Variants in PPP2R3B observed in about 807,000 individuals in gnomAD.
The protein encoded by PPP2R3B is serine/threonine-protein phosphatase 2A regulatory subunit B'' subunit beta.
PPP2R3B carries 68 observed loss-of-function variants against 72.9 expected under a neutral mutation model. The observed-to-expected ratio is 0.93, with a 90% CI of 0.77 to 1.14. PPP2R3B has a LOEUF of 1.14. PPP2R3B is among the 50% of genes most tolerant of loss of function. The pLI is 0.00. For synonymous variants in PPP2R3B, 466 were observed against 375.8 expected (o/e 1.24, Z -2.78); for missense variants, 1,018 against 842.0 (o/e 1.21, Z -2.59).
At chrX:346,806 G>A (rs1167501335) in intron 4 of PPP2R3B, 31 bp from the exon 5 acceptor site, 3 of 1,587,752 alleles carry the variant, frequency 1.9e-6, no homozygotes, top group African/African-American at 1.4e-5. Context: ...GGCGCGTGGT[G>A]TAGACGCCGG....
rs112632193 is a variant in PPP2R3B at position 354,187 on chromosome X, C to G, written c.511-6494G>C. Among the ~76,000 whole-genome samples the G allele has an allele frequency of 3.1e-3, 382 of 123,788 alleles. 4 individuals carry two copies. Among genetic ancestry groups the G allele is most frequent in the Admixed American group, 8.3e-3 (100 of 12,092 alleles). 81.2% of individuals were successfully genotyped at this position (123,788 alleles called of 152,430 possible). ...CCCAGGGACTAGGGGCTCACCCAAA[C>G]ACCGGGGGCTCACCCAGGGACCGGG... On this transcript the variant is annotated intron_variant, in intron 2 of 12. Coordinates refer to ENST00000390665, the MANE Select transcript of PPP2R3B (RefSeq NM_013239.5).
At position 386,661 on chromosome X, in the gene PPP2R3B, G is replaced by C; in HGVS notation, c.31C>G (p.Leu11Val). 3 of 1,391,716 alleles carry C rather than the reference G, an allele frequency of 2.2e-6. No individual in the cohort carries two copies. The highest frequency in any genetic ancestry group is 2.8e-6 in the Non-Finnish European group (3 of 1,072,620). The allele number at this position is 1,391,716 out of a possible 1,614,324, so 86.2% of individuals were successfully genotyped here. A position where few individuals can be genotyped will look rare whatever the true frequency, so the allele number is the denominator to read the frequency against. Residue 11 changes from leucine to valine, a missense_variant, in exon 1 of 13, where the codon CTG becomes GTG. Physicochemically the swap from Leu to Val is conservative, Grantham distance 32 (BLOSUM62 1). Coordinates refer to ENST00000390665, the MANE Select transcript of PPP2R3B (RefSeq NM_013239.5). MPPGKVLQPV[L>V]KMKVDELFLY... ...AACAGCTCGTCCACCTTCATCTTCA[G>C]GACCGGCTGCAGCACTTTGCCGGGC...
intron 2 of PPP2R3B, chrX:359,751 T>A: frequency 2.2e-6 from 1 of 456,294 alleles, no homozygotes; most frequent in Non-Finnish European, 4.3e-6. Flanking sequence ...AGTATGTATG[T>A]TCATACTCAT....
intron 3 of PPP2R3B, 23 bp downstream of exon 3, chrX:347,567 C>T (rs758566911): frequency 6.4e-7 from 1 of 1,558,854 alleles, no homozygotes; most frequent in South Asian, 1.2e-5. Flanking sequence ...CCGACACAGC[C>T]CCCTGCCCAG....
Position 334,278 on chromosome X carries a change from C to G in PPP2R3B, c.*89G>C, listed in dbSNP as rs2070823569. On this transcript the variant is annotated 3_prime_UTR_variant, in exon 13 of 13. Coordinates refer to ENST00000390665, the MANE Select transcript of PPP2R3B (RefSeq NM_013239.5). The stretch of plus-strand genomic sequence containing the variant: ...GTTTATCATTCCGTACAAACGCACT[C>G]ATTTTCCACAACAGTTTTTACACGA... The G allele has an allele frequency of 1.5e-6, 2 of 1,339,636 alleles. No homozygotes were observed. The highest frequency in any genetic ancestry group is 2.8e-4 in the Middle Eastern group (1 of 3,598). The allele number at this position is 1,339,636 out of a possible 1,614,324, so 83.0% of individuals were successfully genotyped here.
intron 7 of PPP2R3B, chrX:345,092 C>T (rs893167796): frequency 6.5e-6 from 3 of 460,638 alleles, no homozygotes; most frequent in East Asian, 6.4e-5. Flanking sequence ...TATGAACGAC[C>T]GCTAAGCCTG....
At chrX:344,906 C>A in intron 7 of PPP2R3B, 4 of 345,328 alleles carry the variant, frequency 1.2e-5, no homozygotes, top group South Asian at 6.7e-5. Context: ...CGGAAACAGT[C>A]TTGGTCATAT....
In PPP2R3B at chrX:345,365, C is replaced by T. The variant is rs776191319; in HGVS notation, c.1036+151G>A. Reference sequence around the variant, plus strand: ...GCAGCGACTGGGGAAGGAGAGGCAGCTGCAGACACAGAGCGGCGAGTGCGA... The same window carrying T: ...GCAGCGACTGGGGAAGGAGAGGCAGTTGCAGACACAGAGCGGCGAGTGCGA... On this transcript the variant is annotated intron_variant, in intron 7 of 12. Coordinates refer to ENST00000390665, the MANE Select transcript of PPP2R3B (RefSeq NM_013239.5). 14 of 1,103,502 alleles carry T rather than the reference C, an allele frequency of 1.3e-5. No individual in the cohort carries two copies. The South Asian group carries it at 1.7e-4, about 14-fold the overall frequency. 68.4% of individuals were successfully genotyped at this position (1,103,502 alleles called of 1,614,324 possible). A position where few individuals can be genotyped will look rare whatever the true frequency, so the allele number is the denominator to read the frequency against.
At chrX:345,427 G>A (rs1440088536) in intron 7 of PPP2R3B, 89 bp downstream of exon 7, 12 of 1,549,626 alleles carry the variant, frequency 7.7e-6, no homozygotes, top group Middle Eastern at 1.9e-4. Flanking sequence ...TGGGAGTGCG[G>A]AAGGAGAGGC....
chrX:352,512 A>ACACCTTGCTCTGTGTGGATCATCTGCC (rs2071351936), intron 2 of PPP2R3B, among the ~76,000 whole-genome samples: 1 of 149,574 alleles, frequency 6.7e-6, no homozygotes, highest in Non-Finnish European at 1.5e-5. Flanking sequence ...TGGGACTCAC[A>ACACCTTGCTCTGTGTGGATCATCTGCC]CACCTTGCTC....
Position 386,752 on chromosome X carries a change from C to A in PPP2R3B, c.-61G>T. 9.1e-7 allele frequency: 1 copy of A among 1,098,838 alleles called. No homozygotes were observed. Among genetic ancestry groups the A allele is most frequent in the Admixed American group, 4.6e-5 (1 of 21,540 alleles). The allele number at this position is 1,098,838 out of a possible 1,614,324, so 68.1% of individuals were successfully genotyped here. ...GCGCCCCGCCCCGCCCCGGGGGCTTCGGTCCGCCCCGGACCGACCTCGGTG... is the reference window on the plus strand; with the variant it reads ...GCGCCCCGCCCCGCCCCGGGGGCTTAGGTCCGCCCCGGACCGACCTCGGTG... On this transcript the variant is annotated 5_prime_UTR_variant, in exon 1 of 13. Transcript: ENST00000390665.
intron 1 of PPP2R3B, among the ~76,000 whole-genome samples, chrX:363,797 A>G (rs749987573): frequency 6.6e-6 from 1 of 152,128 alleles, no homozygotes; most frequent in South Asian, 2.1e-4. Context: ...TTCCTCCTTC[A>G]TCACGCTGGG....
chrX:358,833 GGCGCCGTTGGGGAGAA>G (rs1431826215), intron 2 of PPP2R3B, among the ~76,000 whole-genome samples: 2 of 149,802 alleles, frequency 1.3e-5, no homozygotes, highest in Non-Finnish European at 3.0e-5. Context: ...GGTGGGGGGA[GGCGCCGTTGGGGAGAA>G]GCACCGTGGG....
chrX:344,746 C>G (rs1480307250), intron 7 of PPP2R3B: 2 of 243,720 alleles, frequency 8.2e-6, no homozygotes, highest in Non-Finnish European at 1.6e-5. Flanking sequence ...CCAGGGAATG[C>G]TACGTCTGCT....
chrX:334,287 C>CAA lies in PPP2R3B; in HGVS notation c.*78_*79dup. 3.6e-6 allele frequency: 5 copies of CAA among 1,377,310 alleles called. No individual in the cohort carries two copies. The highest frequency in any genetic ancestry group is 4.7e-6 in the Non-Finnish European group (5 of 1,054,572). The allele number at this position is 1,377,310 out of a possible 1,614,324, so 85.3% of individuals were successfully genotyped here. On this transcript the variant is annotated 3_prime_UTR_variant, in exon 13 of 13. Transcript: ENST00000390665. The stretch of plus-strand genomic sequence containing the variant: ...TCCGTACAAACGCACTCATTTTCCA[C>CAA]AACAGTTTTTACACGAGCCGCGGTG...
rs1297711652 is a variant in PPP2R3B at position 352,494 on chromosome X, C to T, written c.511-4801G>A. Among the ~76,000 whole-genome samples, 3 of 93,466 alleles carry T rather than the reference C, an allele frequency of 3.2e-5. No individual in the cohort carries two copies. The Admixed American group carries it at 3.7e-4, about 11-fold the overall frequency. The allele number at this position is 93,466 out of a possible 152,430, so 61.3% of individuals were successfully genotyped here. A position where few individuals can be genotyped will look rare whatever the true frequency, so the allele number is the denominator to read the frequency against. On this transcript the variant is annotated intron_variant, in intron 2 of 12. Transcript: ENST00000390665. ...TAGACCTGGCTTCCCTCGCTCAGCA[C>T]ATGCGTGTGGGACTCACACACCTTG...
intron 2 of PPP2R3B, among the ~76,000 whole-genome samples, chrX:355,714 A>T (rs1603077709): frequency 2.6e-5 from 2 of 78,034 alleles, no homozygotes; most frequent in East Asian, 1.0e-3. Flanking sequence ...TTCCCATAAT[A>T]AAAAAAAGTG....
chrX:373,103 G>C (rs1285600296), intron 1 of PPP2R3B, among the ~76,000 whole-genome samples: 1 of 152,130 alleles, frequency 6.6e-6, no homozygotes, highest in Non-Finnish European at 1.5e-5. Context: ...ACGCCTTTAC[G>C]AAGGGTGAAG....
At chrX:371,292 T>C (rs2071857130) in intron 1 of PPP2R3B, among the ~76,000 whole-genome samples, 1 of 152,088 alleles carries the variant, frequency 6.6e-6, no homozygotes, top group Non-Finnish European at 1.5e-5. Flanking sequence ...TGAGAGTACG[T>C]GTAACACGCC....
Sources: gnomAD v4.1 joint callset for allele counts (sites outside exome capture counted in the v4.1 genomes callset) on GRCh38, gnomAD v4.1.1 for gene constraint, MANE v1.5 for transcripts, NCBI Gene and HGNC (gene_info 2026-07-23, HGNC 2026-07-21) for gene names.